NELL2: variants seen among roughly 807,000 people sequenced by gnomAD.
The protein encoded by NELL2 is neural EGFL like 2.
NELL2 carries 41 observed loss-of-function variants against 109.6 expected under a neutral mutation model. The ratio of observed to expected loss-of-function variants is 0.37; its 90% CI spans 0.29 to 0.49. The LOEUF (loss-of-function observed/expected upper bound fraction) is 0.49, where lower values mean the gene tolerates loss of function less well. Ranked by LOEUF, NELL2 falls within the 20% of genes least tolerant of loss-of-function variation. The pLI is 0.98. For missense variants in NELL2, 900 were observed against 1,008.3 expected, an observed-to-expected ratio of 0.89 and a Z score of 1.45; for synonymous variants, 355 against 344.7, an observed-to-expected ratio of 1.03 and a Z score of -0.33.
At chr12:44,744,981 C>A (rs1023638170) in intron 9 of NELL2, among the ~76,000 whole-genome samples, 7 of 152,144 alleles carry the variant, frequency 4.6e-5, no homozygotes, top group African/African-American at 1.2e-4. Context: ...GATACCAAAG[C>A]CTGGCAGAGA....
chr12:44,763,294 C>T (rs4768570), intron 9 of NELL2, among the ~76,000 whole-genome samples: 12,699 of 152,064 alleles, frequency 0.084, 635 homozygotes, highest in Non-Finnish European at 0.095. Context: ...CATAGATGGG[C>T]GAATTATTAA....
intron 15 of NELL2, among the ~76,000 whole-genome samples, chr12:44,574,875 G>A (rs561559314): frequency 5.9e-4 from 90 of 152,114 alleles, no homozygotes; most frequent in Non-Finnish European, 3.8e-4. Context: ...AACCTCAAAT[G>A]CATCTATACT....
At chr12:44,617,406 G>A (rs1407579124) in intron 13 of NELL2, among the ~76,000 whole-genome samples, 5 of 145,462 alleles carry the variant, frequency 3.4e-5, no homozygotes, top group Non-Finnish European at 5.9e-5. Context: ...AAGCAGTTGT[G>A]GCCGGGCGCG....
At chr12:44,622,960 G>C (rs529769121) in intron 13 of NELL2, among the ~76,000 whole-genome samples, 13 of 152,128 alleles carry the variant, frequency 8.5e-5, no homozygotes, top group Non-Finnish European at 1.6e-4. Context: ...TATCTTTTGT[G>C]CAGTTTTATT....
intron 1 of NELL2, among the ~76,000 whole-genome samples, chr12:44,896,152 G>A (rs1401311231): frequency 6.6e-6 from 1 of 152,130 alleles, no homozygotes; most frequent in Admixed American, 6.5e-5. Flanking sequence ...AAATTAGAAA[G>A]CAAGGAGATG....
chr12:44,614,992 T>C lies in NELL2; in HGVS notation c.1445-4022A>G, dbSNP rs563723536. 1.2e-4 allele frequency among the ~76,000 whole-genome samples: 19 copies of C among 152,210 alleles called. No individual in the cohort carries two copies. The South Asian group carries it at 3.7e-3, about 30-fold the overall frequency. On this transcript the variant is annotated intron_variant, in intron 13 of 19. Transcript: ENST00000429094. ...ATTTTTCTTCAATATGTATTTAGTT[T>C]TGGAATATTTGGGGGTTAAAAATGA...
chr12:44,792,271 A>T (rs1246213067), intron 3 of NELL2, among the ~76,000 whole-genome samples: 1 of 152,194 alleles, frequency 6.6e-6, no homozygotes. Context: ...GAGAATGGCA[A>T]AGAGAAGAAA....
intron 12 of NELL2, among the ~76,000 whole-genome samples, chr12:44,695,241 A>C (rs1949026999): frequency 6.6e-6 from 1 of 151,702 alleles, no homozygotes; most frequent in African/African-American, 2.4e-5. Context: ...CTCTAATGGC[A>C]ATGAGCTGCT....
intron 3 of NELL2, among the ~76,000 whole-genome samples, chr12:44,781,187 A>C (rs573558242): frequency 6.6e-6 from 1 of 152,110 alleles, no homozygotes; most frequent in South Asian, 2.1e-4. Flanking sequence ...GAAAAAGAAA[A>C]ATGGGAAAAA....
At chr12:44,722,082 G>A (rs1938805666) in intron 9 of NELL2, among the ~76,000 whole-genome samples, 1 of 152,056 alleles carries the variant, frequency 6.6e-6, no homozygotes, top group Non-Finnish European at 1.5e-5. Context: ...TGGAACAGGA[G>A]AAGGAAAAGG....
intron 12 of NELL2, among the ~76,000 whole-genome samples, chr12:44,679,216 T>G (rs1948417820): frequency 6.6e-6 from 1 of 152,096 alleles, no homozygotes; most frequent in Non-Finnish European, 1.5e-5. Flanking sequence ...AGGGTGGAAG[T>G]AAGGCATGCT....
At position 44,508,840 on chromosome 12, in the gene NELL2, G is replaced by A. The variant is rs1940846135; in HGVS notation, c.*94C>T. ...GCTATTAACAAAGCTGCATTTAGCT[G>A]CCCACAAATCACCCAATTTAAGTTT... is the stretch of plus-strand genomic sequence containing the variant. On this transcript the variant is annotated 3_prime_UTR_variant, in exon 20 of 20. Coordinates refer to ENST00000429094, the MANE Select transcript of NELL2 (RefSeq NM_001145108.2). The A allele has an allele frequency of 2.9e-6, 3 of 1,037,796 alleles. No individual in the cohort carries two copies. In the East Asian group the frequency reaches 7.3e-5, roughly 25 times the overall value. 64.3% of individuals were successfully genotyped at this position (1,037,796 alleles called of 1,614,324 possible). A position where few individuals can be genotyped will look rare whatever the true frequency, so the allele number is the denominator to read the frequency against.
At chr12:44,663,248 A>G (rs1031287350) in intron 13 of NELL2, among the ~76,000 whole-genome samples, 4 of 152,150 alleles carry the variant, frequency 2.6e-5, no homozygotes, top group African/African-American at 9.7e-5. Flanking sequence ...CTAAGGCCTA[A>G]CATTAAAAAA....
chr12:44,674,209 T>C (rs995068439), intron 12 of NELL2, among the ~76,000 whole-genome samples: 1 of 152,174 alleles, frequency 6.6e-6, no homozygotes, highest in Non-Finnish European at 1.5e-5. Flanking sequence ...ATATAAATAA[T>C]TTTCTGACTC....
chr12:44,867,575 G>A (rs1053166765), intron 2 of NELL2, among the ~76,000 whole-genome samples: 3 of 152,112 alleles, frequency 2.0e-5, no homozygotes, highest in African/African-American at 7.2e-5. Flanking sequence ...AAAAGACAAG[G>A]ATGCCCAATC....
At chr12:44,899,927 C>A (rs1291389252) in intron 1 of NELL2, among the ~76,000 whole-genome samples, 2 of 151,982 alleles carry the variant, frequency 1.3e-5, no homozygotes. Flanking sequence ...ATTTACCAAG[C>A]AAGTGGAAAG....
intron 3 of NELL2, among the ~76,000 whole-genome samples, chr12:44,808,240 T>A (rs934087198): frequency 6.6e-6 from 1 of 152,048 alleles, no homozygotes; most frequent in Admixed American, 6.6e-5. Context: ...GGGGGATGTG[T>A]GCTCTATGGG....
chr12:44,551,922 C>G (rs1365103635), intron 15 of NELL2, among the ~76,000 whole-genome samples: 2 of 152,092 alleles, frequency 1.3e-5, no homozygotes, highest in Non-Finnish European at 2.9e-5. Context: ...CCTCAGAGAA[C>G]ATGAAATTCT....
intron 12 of NELL2, among the ~76,000 whole-genome samples, chr12:44,693,469 T>C (rs1261235934): frequency 3.9e-5 from 6 of 152,190 alleles, no homozygotes; most frequent in African/African-American, 1.4e-4. Context: ...TGTATATGGA[T>C]AGCATTGATT....
Sources: gnomAD v4.1 joint callset for allele counts (sites outside exome capture counted in the v4.1 genomes callset) on GRCh38, gnomAD v4.1.1 for gene constraint, MANE v1.5 for transcripts, NCBI Gene and HGNC (gene_info 2026-07-23, HGNC 2026-07-21) for gene names.